Variants in SLC39A10 observed in about 807,000 individuals in gnomAD.
SLC39A10 encodes solute carrier family 39 member 10.
In SLC39A10, 13 loss-of-function variants were observed where a neutral mutation model predicts 65.1. The ratio of observed to expected loss-of-function variants is 0.20; its 90% CI spans 0.13 to 0.32. The LOEUF (loss-of-function observed/expected upper bound fraction) is 0.32. Among genes scored for constraint, SLC39A10 ranks in the 10% least tolerant of loss-of-function variants. The pLI, the probability that SLC39A10 is intolerant of heterozygous loss-of-function variation, is 1.00. For missense variants in SLC39A10, 831 were observed against 1,018.4 expected, an observed-to-expected ratio of 0.82 and a Z score of 2.50; for synonymous variants, 321 against 342.2, an observed-to-expected ratio of 0.94 and a Z score of 0.68.
At chr2:195,732,013 G>A (rs1692447725) in intron 9 of SLC39A10, among the ~76,000 whole-genome samples, 1 of 152,144 alleles carries the variant, frequency 6.6e-6, no homozygotes, top group African/African-American at 2.4e-5. Flanking sequence ...CAAGAGAAAG[G>A]GAAGAAACTG....
rs1244234073 is a variant in SLC39A10 at position 195,735,461 on chromosome 2, TGTA to T, written c.*423_*425del. 2 of 153,236 alleles carry T rather than the reference TGTA, an allele frequency of 1.3e-5. No individual in the cohort carries two copies. Among genetic ancestry groups the T allele is most frequent in the African/African-American group, 4.8e-5 (2 of 41,472 alleles). The allele number at this position is 153,236 out of a possible 1,614,324, so 9.5% of individuals were successfully genotyped here. On this transcript the variant is annotated 3_prime_UTR_variant, in exon 10 of 10. Transcript: ENST00000359634. ...TTTTTTGTGTGTTTTAAGAATGAAT[TGTA>T]GTGCTCTTTAATTCAGCTACATATA... is the stretch of plus-strand genomic sequence containing the variant.
intron 3 of SLC39A10, among the ~76,000 whole-genome samples, chr2:195,701,692 G>GT (rs1277051517): frequency 1.3e-5 from 2 of 150,820 alleles, no homozygotes; most frequent in Non-Finnish European, 3.0e-5. Flanking sequence ...TTTGTTTTTT[G>GT]TTTTTTTGAG....
chr2:195,685,735 C>G (rs1377994485), intron 3 of SLC39A10, among the ~76,000 whole-genome samples: 1 of 152,180 alleles, frequency 6.6e-6, no homozygotes, highest in Non-Finnish European at 1.5e-5. Flanking sequence ...ATGTCTCCCT[C>G]ATAGTATAGA....
At chr2:195,661,182 ACT>A (rs1296398780) in intron 1 of SLC39A10, among the ~76,000 whole-genome samples, 5 of 152,058 alleles carry the variant, frequency 3.3e-5, no homozygotes, top group Admixed American at 3.3e-4. Context: ...GTCAATGCAA[ACT>A]CTTAAGGTTT....
intron 2 of SLC39A10, among the ~76,000 whole-genome samples, chr2:195,615,274 A>T (rs976858606): frequency 6.6e-6 from 1 of 152,118 alleles, no homozygotes; most frequent in African/African-American, 2.4e-5. Context: ...ATGCATTTTT[A>T]ACAAATCTCC....
intron 2 of SLC39A10, among the ~76,000 whole-genome samples, chr2:195,625,085 C>T (rs1688439228): frequency 6.8e-6 from 1 of 147,896 alleles, no homozygotes; most frequent in Non-Finnish European, 1.5e-5. Flanking sequence ...GGCGTGGTGG[C>T]GGGCGCCTGT....
chr2:195,700,595 C>T (rs59987419), intron 3 of SLC39A10, among the ~76,000 whole-genome samples: 13,105 of 152,212 alleles, frequency 0.086, 624 homozygotes, highest in African/African-American at 0.11. Context: ...TCTTACAGGG[C>T]AAGTCTAGTG....
chr2:195,688,801 T>C (rs79661886), intron 3 of SLC39A10, among the ~76,000 whole-genome samples: 1,592 of 152,308 alleles, frequency 0.01, 36 homozygotes, highest in East Asian at 0.07. Context: ...TACTTATGTA[T>C]ATTTTTAGTT....
intron 1 of SLC39A10, among the ~76,000 whole-genome samples, chr2:195,671,431 G>A (rs1009383349): frequency 1.5e-4 from 23 of 152,166 alleles, no homozygotes; most frequent in African/African-American, 5.5e-4. Context: ...GATGTTGACA[G>A]CACCTAGCAG....
At chr2:195,643,149 C>T (rs1196716941) in intron 2 of SLC39A10, among the ~76,000 whole-genome samples, 1 of 152,116 alleles carries the variant, frequency 6.6e-6, no homozygotes, top group Non-Finnish European at 1.5e-5. Flanking sequence ...GAAGTCACTG[C>T]CTCAAAGTAA....
At chr2:195,726,430 T>A (rs1311594271) in intron 8 of SLC39A10, among the ~76,000 whole-genome samples, 1 of 152,000 alleles carries the variant, frequency 6.6e-6, no homozygotes, top group African/African-American at 2.4e-5. Context: ...GTTAGGGAGC[T>A]CTTTCCACAG....
At position 195,713,413 on chromosome 2, in the gene SLC39A10, T is replaced by C. The variant is rs779979002; in HGVS notation, c.1576-20T>C. On this transcript the variant is annotated intron_variant, in intron 5 of 9. Transcript: ENST00000359634. ...CACATTTTATACTAATATCAGATACTATTTTTTTTCTTTTTTTAGGGAAAA... is the reference window on the plus strand; with the variant it reads ...CACATTTTATACTAATATCAGATACCATTTTTTTTCTTTTTTTAGGGAAAA... 17 of 1,517,302 alleles carry C rather than the reference T, an allele frequency of 1.1e-5. No individual in the cohort carries two copies. In the South Asian group the frequency reaches 2.2e-4, roughly 19 times the overall value. The allele number at this position is 1,517,302 out of a possible 1,614,324, so 94.0% of individuals were successfully genotyped here. A position where few individuals can be genotyped will look rare whatever the true frequency, so the allele number is the denominator to read the frequency against.
At chr2:195,703,353 G>A (rs1351683886) in intron 3 of SLC39A10, among the ~76,000 whole-genome samples, 5 of 152,142 alleles carry the variant, frequency 3.3e-5, no homozygotes, top group African/African-American at 1.2e-4. Context: ...TCAAGGCAAT[G>A]TATATATGAA....
chr2:195,629,319 G>A (rs1053836289), intron 2 of SLC39A10, among the ~76,000 whole-genome samples: 6 of 148,236 alleles, frequency 4.0e-5, no homozygotes, highest in Admixed American at 1.3e-4. Flanking sequence ...GCTTGAACCC[G>A]AGAGGTAGAG....
At chr2:195,663,857 ATATTGT>A (rs1689523768) in intron 1 of SLC39A10, among the ~76,000 whole-genome samples, 1 of 145,568 alleles carries the variant, frequency 6.9e-6, no homozygotes, top group Non-Finnish European at 1.5e-5. Flanking sequence ...TACCTGGGTT[ATATTGT>A]GTGATGCTGA....
chr2:195,685,055 C>G (rs1345157975), intron 3 of SLC39A10, among the ~76,000 whole-genome samples: 2 of 152,026 alleles, frequency 1.3e-5, no homozygotes, highest in African/African-American at 2.4e-5. Flanking sequence ...GGGATTTAGT[C>G]CTGTAACCAT....
chr2:195,681,931 G>C (rs1218418322), intron 2 of SLC39A10, among the ~76,000 whole-genome samples: 1 of 152,048 alleles, frequency 6.6e-6, no homozygotes, highest in African/African-American at 2.4e-5. Context: ...TGTTTTCTCT[G>C]TGTCACTTTA....
At chr2:195,640,915 A>T (rs1308099908) in intron 2 of SLC39A10, among the ~76,000 whole-genome samples, 1 of 152,194 alleles carries the variant, frequency 6.6e-6, no homozygotes, top group Admixed American at 6.5e-5. Context: ...CTCCTCCCAC[A>T]CACACTATTA....
chr2:195,734,599 C>G (rs913667277), intron 9 of SLC39A10, among the ~76,000 whole-genome samples: 5 of 152,090 alleles, frequency 3.3e-5, no homozygotes, highest in African/African-American at 1.2e-4. Flanking sequence ...TTTATAAGGT[C>G]AGTGGATAGT....
Sources: gnomAD v4.1 joint callset for allele counts (sites outside exome capture counted in the v4.1 genomes callset) on GRCh38, gnomAD v4.1.1 for gene constraint, MANE v1.5 for transcripts, NCBI Gene and HGNC (gene_info 2026-07-23, HGNC 2026-07-21) for gene names.